CAMK1D: variants seen among roughly 807,000 people sequenced by gnomAD.
The protein encoded by CAMK1D is calcium/calmodulin dependent protein kinase ID, also known as calcium/calmodulin-dependent protein kinase type 1D.
A neutral mutation model predicts 47.7 loss-of-function variants in CAMK1D; 9 were observed. The ratio of observed to expected loss-of-function variants is 0.19; its 90% CI spans 0.11 to 0.33. The LOEUF (loss-of-function observed/expected upper bound fraction) is 0.33, where lower values mean the gene tolerates loss of function less well. CAMK1D is among the 10% of genes least tolerant of loss of function. The probability of loss-of-function intolerance (pLI) is 1.00; values close to 1 mark genes in which losing one functional copy is unlikely to be tolerated. For synonymous variants in CAMK1D, 184 were observed against 184.9 expected (o/e 0.99, Z 0.04); for missense variants, 291 against 488.7 (o/e 0.60, Z 3.81).
At chr10:12,525,853 G>A (rs563728822) in intron 1 of CAMK1D, among the ~76,000 whole-genome samples, 6 of 152,240 alleles carry the variant, frequency 3.9e-5, no homozygotes, top group South Asian at 2.1e-4. Flanking sequence ...CACCTCTCAG[G>A]TTCAGGCAAT....
intron 3 of CAMK1D, among the ~76,000 whole-genome samples, chr10:12,752,083 A>T (rs1345379828): frequency 6.6e-6 from 1 of 151,224 alleles, no homozygotes; most frequent in African/African-American, 2.4e-5. Flanking sequence ...CCAGGTTTTC[A>T]AGCGATTCTC....
rs1487924798 is a variant in CAMK1D at position 12,750,678 on chromosome 10, A to G, written c.300-10270A>G. 3.9e-5 allele frequency among the ~76,000 whole-genome samples: 6 copies of G among 152,324 alleles called. No homozygotes were observed. The East Asian group carries it at 1.2e-3, about 29-fold the overall frequency. ...GGATGGGGAAAGTCAAGAATGAATG[A>G]ATGAATGAATGAATGATGAATGAAT... On this transcript the variant is annotated intron_variant, in intron 3 of 10. Coordinates refer to ENST00000619168, the MANE Select transcript of CAMK1D (RefSeq NM_153498.4).
intron 6 of CAMK1D, among the ~76,000 whole-genome samples, chr10:12,792,472 C>T (rs1377261584): frequency 6.6e-6 from 1 of 152,156 alleles, no homozygotes; most frequent in East Asian, 1.9e-4. Flanking sequence ...AGAAACATTT[C>T]CTTGCAGAAA....
intron 2 of CAMK1D, among the ~76,000 whole-genome samples, chr10:12,642,714 T>G (rs889505575): frequency 6.6e-6 from 1 of 152,224 alleles, no homozygotes; most frequent in African/African-American, 2.4e-5. Flanking sequence ...TTATTTTAAT[T>G]TTACCACTCA....
intron 1 of CAMK1D, among the ~76,000 whole-genome samples, chr10:12,386,324 A>G (rs1446054171): frequency 1.3e-5 from 2 of 152,142 alleles, no homozygotes; most frequent in Admixed American, 1.3e-4. Context: ...CTATGGTCCC[A>G]GCTACTCTGG....
chr10:12,570,509 C>T (rs2132313308), intron 2 of CAMK1D, among the ~76,000 whole-genome samples: 1 of 151,528 alleles, frequency 6.6e-6, no homozygotes, highest in South Asian at 2.1e-4. Flanking sequence ...TGAAACCCCA[C>T]CGTCCACTAA....
At chr10:12,444,411 C>T (rs1184902542) in intron 1 of CAMK1D, among the ~76,000 whole-genome samples, 1 of 152,198 alleles carries the variant, frequency 6.6e-6, no homozygotes, top group Non-Finnish European at 1.5e-5. Context: ...TGAAAAGAGT[C>T]AAACTCTGTA....
chr10:12,777,029 A>C (rs75457558), intron 5 of CAMK1D, among the ~76,000 whole-genome samples: 1 of 152,192 alleles, frequency 6.6e-6, no homozygotes, highest in Non-Finnish European at 1.5e-5. Context: ...CCAGTAGGCA[A>C]ATTTGCAGAT....
At chr10:12,427,119 G>A (rs554621934) in intron 1 of CAMK1D, among the ~76,000 whole-genome samples, 1 of 152,328 alleles carries the variant, frequency 6.6e-6, no homozygotes, top group Non-Finnish European at 1.5e-5. Context: ...CAAAGTCCTG[G>A]CATGCTGTAG....
chr10:12,827,358 CTT>C (rs1338236797), intron 10 of CAMK1D, among the ~76,000 whole-genome samples: 1 of 48,684 alleles, frequency 2.1e-5, no homozygotes, highest in Non-Finnish European at 4.7e-5. Context: ...TTCTTCCTTT[CTT>C]TCTTTCTCTT....
At chr10:12,423,496 CAG>C (rs975457508) in intron 1 of CAMK1D, among the ~76,000 whole-genome samples, 6 of 151,482 alleles carry the variant, frequency 4.0e-5, no homozygotes, top group African/African-American at 1.5e-4. Context: ...GCCCAGGGGA[CAG>C]AGTGAGTCTG....
intron 1 of CAMK1D, among the ~76,000 whole-genome samples, chr10:12,412,337 C>T (rs544920516): frequency 1.1e-4 from 16 of 151,184 alleles, no homozygotes; most frequent in South Asian, 6.3e-4. Flanking sequence ...GGGCTGGGTG[C>T]GGTGGCTCAT....
intron 1 of CAMK1D, among the ~76,000 whole-genome samples, chr10:12,423,615 C>T (rs1198072718): frequency 1.3e-5 from 2 of 152,206 alleles, no homozygotes; most frequent in Non-Finnish European, 2.9e-5. Context: ...ATCCAGAACT[C>T]CCAGGTACAG....
At chr10:12,374,282 A>G (rs1388230306) in intron 1 of CAMK1D, among the ~76,000 whole-genome samples, 6 of 146,536 alleles carry the variant, frequency 4.1e-5, no homozygotes, top group African/African-American at 1.5e-4. Context: ...AAAAAAAAAG[A>G]AAAAAGAAAA....
chr10:12,460,564 C>G (rs183072852), intron 1 of CAMK1D, among the ~76,000 whole-genome samples: 30 of 152,242 alleles, frequency 2.0e-4, no homozygotes, highest in African/African-American at 7.0e-4. Context: ...TCCTGAGTAG[C>G]TGGGACTACA....
intron 3 of CAMK1D, among the ~76,000 whole-genome samples, chr10:12,759,377 T>A (rs1218770046): frequency 6.6e-6 from 1 of 152,126 alleles, no homozygotes; most frequent in Non-Finnish European, 1.5e-5. Context: ...AGTGAATGTC[T>A]CTAGGGCACC....
At chr10:12,635,035 T>G (rs912417893) in intron 2 of CAMK1D, among the ~76,000 whole-genome samples, 5 of 152,186 alleles carry the variant, frequency 3.3e-5, no homozygotes, top group African/African-American at 9.7e-5. Context: ...AAGTCTCTGT[T>G]TTGATGGGGC....
chr10:12,548,030 C>T (rs1002951597), intron 1 of CAMK1D, among the ~76,000 whole-genome samples: 3 of 152,212 alleles, frequency 2.0e-5, no homozygotes, highest in Admixed American at 6.5e-5. Context: ...GCCACGCACA[C>T]GCCCTGGTAG....
chr10:12,414,722 G>T (rs115055813), intron 1 of CAMK1D, among the ~76,000 whole-genome samples: 53 of 152,262 alleles, frequency 3.5e-4, no homozygotes, highest in African/African-American at 1.3e-3. Context: ...TTTGAATTTG[G>T]ATCGTTTCCT....
Sources: gnomAD v4.1 joint callset for allele counts (sites outside exome capture counted in the v4.1 genomes callset) on GRCh38, gnomAD v4.1.1 for gene constraint, MANE v1.5 for transcripts, NCBI Gene and HGNC (gene_info 2026-07-23, HGNC 2026-07-21) for gene names.